The following PAX3 variants were observed in gnomAD, a reference collection of about 807,000 sequenced individuals.
PAX3 encodes the protein paired box 3.
In PAX3, 14 loss-of-function variants were observed where a neutral mutation model predicts 51.6. The observed-to-expected ratio is 0.27, with a 90% CI of 0.18 to 0.42. The LOEUF (loss-of-function observed/expected upper bound fraction) is 0.42. Ranked by LOEUF, PAX3 falls within the 10% of genes least tolerant of loss-of-function variation. PAX3 has a pLI of 1.00. For missense variants in PAX3, 540 were observed against 642.8 expected (o/e 0.84, Z 1.73); for synonymous variants, 280 against 253.4 (o/e 1.11, Z -1.00).
At chr2:222,240,065 G>T (rs1427544946) in intron 4 of PAX3, among the ~76,000 whole-genome samples, 1 of 152,070 alleles carries the variant, frequency 6.6e-6, no homozygotes, top group Non-Finnish European at 1.5e-5. Flanking sequence ...ATAAGCTCCT[G>T]CCAGGTTGGG....
intron 4 of PAX3, chr2:222,287,642 C>T (rs1225114433): frequency 2.6e-5 from 4 of 152,168 alleles, no homozygotes; most frequent in African/African-American, 7.2e-5. Flanking sequence ...ACATGGGAAC[C>T]ATAACAAATC....
chr2:222,295,949 T>C (rs1695273791), intron 2 of PAX3, among the ~76,000 whole-genome samples: 1 of 152,202 alleles, frequency 6.6e-6, no homozygotes, highest in African/African-American at 2.4e-5. Context: ...AGGGTGGGGT[T>C]ATACTTTCTC....
chr2:222,290,954 G>T (rs1369447672), intron 4 of PAX3, among the ~76,000 whole-genome samples: 2 of 152,014 alleles, frequency 1.3e-5, no homozygotes, highest in African/African-American at 4.8e-5. Context: ...AAGAAGGGGG[G>T]AGGCGGGCTG....
At chr2:222,210,167 T>G (rs1267470404) in intron 7 of PAX3, among the ~76,000 whole-genome samples, 1 of 152,220 alleles carries the variant, frequency 6.6e-6, no homozygotes, top group Non-Finnish European at 1.5e-5. Flanking sequence ...GCTGGCAACA[T>G]GCAGAACCTA....
At chr2:222,214,627 TG>T (rs1461181938) in intron 7 of PAX3, 2 of 151,846 alleles carry the variant, frequency 1.3e-5, no homozygotes, top group Non-Finnish European at 2.9e-5. Context: ...AGATGAATGG[TG>T]GATAAACTTG....
intron 4 of PAX3, among the ~76,000 whole-genome samples, chr2:222,233,323 G>T (rs1692680495): frequency 6.6e-6 from 1 of 152,062 alleles, no homozygotes; most frequent in African/African-American, 2.4e-5. Context: ...GAGTGGGCAG[G>T]TACAGGGGCA....
In PAX3 at chr2:222,221,482, A is replaced by C. The variant is rs113181660; in HGVS notation, c.793-95T>G. The C allele has an allele frequency of 2.1e-4, 246 of 1,152,388 alleles. No homozygotes were observed. In the African/African-American group the frequency reaches 3.4e-3, roughly 16 times the overall value. The allele number at this position is 1,152,388 out of a possible 1,614,324, so 71.4% of individuals were successfully genotyped here. A position where few individuals can be genotyped will look rare whatever the true frequency, so the allele number is the denominator to read the frequency against. On this transcript the variant is annotated intron_variant, in intron 5 of 8. Coordinates refer to ENST00000392070, the MANE Select transcript of PAX3 (RefSeq NM_181458.4). ...TGCTAAAACAGATTAGAGGCTTCTTACTGAAAGGGCAAATAGATGCAAGAG... is the reference window on the plus strand; with the variant it reads ...TGCTAAAACAGATTAGAGGCTTCTTCCTGAAAGGGCAAATAGATGCAAGAG...
intron 4 of PAX3, among the ~76,000 whole-genome samples, chr2:222,281,971 T>C (rs558704583): frequency 2.0e-5 from 3 of 152,348 alleles, no homozygotes; most frequent in African/African-American, 7.2e-5. Flanking sequence ...CCTCCTGCCT[T>C]ACTGGCACAC....
chr2:222,288,880 C>G (rs138220772), intron 4 of PAX3, among the ~76,000 whole-genome samples: 11 of 152,190 alleles, frequency 7.2e-5, no homozygotes, highest in Non-Finnish European at 1.5e-4. Context: ...TTGAAATGAT[C>G]CCGCTTTGAT....
intron 4 of PAX3, among the ~76,000 whole-genome samples, chr2:222,271,804 G>GCTAC (rs1336308945): frequency 6.6e-6 from 1 of 152,116 alleles, no homozygotes; most frequent in Non-Finnish European, 1.5e-5. Flanking sequence ...CCTCCTCCTA[G>GCTAC]CTACCTTCCC....
In PAX3 at chr2:222,294,154, C is replaced by A. The variant is rs967860137; in HGVS notation, c.586+13G>T. ...CACCCAGCAAGTGCGCCGCCCAAGGCGCCACCGCTTACCTCGCTCGCTCAG... is the reference window on the plus strand; with the variant it reads ...CACCCAGCAAGTGCGCCGCCCAAGGAGCCACCGCTTACCTCGCTCGCTCAG... On this transcript the variant is annotated intron_variant, in intron 4 of 8. Coordinates refer to ENST00000392070, the MANE Select transcript of PAX3 (RefSeq NM_181458.4). 1 of 1,614,158 alleles carries A rather than the reference C, an allele frequency of 6.2e-7. No individual in the cohort carries two copies. The highest frequency in any genetic ancestry group is 8.5e-7 in the Non-Finnish European group (1 of 1,179,988).
intron 4 of PAX3, among the ~76,000 whole-genome samples, chr2:222,261,135 C>G (rs1187748960): frequency 6.6e-6 from 1 of 152,158 alleles, no homozygotes; most frequent in Admixed American, 6.5e-5. Context: ...CAGACTTTAT[C>G]TAACCCAAAG....
chr2:222,241,427 T>C (rs998101602), intron 4 of PAX3, among the ~76,000 whole-genome samples: 1 of 152,182 alleles, frequency 6.6e-6, no homozygotes, highest in African/African-American at 2.4e-5. Context: ...TCAGAGTAGG[T>C]TCAGCTTTTC....
chr2:222,288,969 G>T (rs1270611466), intron 4 of PAX3, among the ~76,000 whole-genome samples: 1 of 152,224 alleles, frequency 6.6e-6, no homozygotes, highest in Non-Finnish European at 1.5e-5. Context: ...TGTAACAATG[G>T]TATCAACAAA....
At chr2:222,271,276 T>C (rs1239505624) in intron 4 of PAX3, among the ~76,000 whole-genome samples, 1 of 152,124 alleles carries the variant, frequency 6.6e-6, no homozygotes, top group African/African-American at 2.4e-5. Context: ...TGATGTCCTA[T>C]GGATTCTTTA....
chr2:222,203,968 G>A (rs1196280726), intron 7 of PAX3, among the ~76,000 whole-genome samples: 1 of 152,152 alleles, frequency 6.6e-6, no homozygotes, highest in Non-Finnish European at 1.5e-5. Flanking sequence ...GCACACACAT[G>A]GGAAGGTGGG....
chr2:222,203,621 G>A (rs139187876), intron 7 of PAX3, among the ~76,000 whole-genome samples: 2 of 152,220 alleles, frequency 1.3e-5, no homozygotes, highest in African/African-American at 4.8e-5. Flanking sequence ...TTCCAGTAAG[G>A]CAGGAATCTG....
intron 7 of PAX3, among the ~76,000 whole-genome samples, chr2:222,208,900 C>T (rs552072986): frequency 6.9e-4 from 105 of 152,196 alleles, no homozygotes; most frequent in Middle Eastern, 3.4e-3. Context: ...GCCTGTAAAC[C>T]GAACTTCCAT....
intron 4 of PAX3, among the ~76,000 whole-genome samples, chr2:222,253,976 T>G (rs1046104500): frequency 2.6e-5 from 4 of 152,324 alleles, no homozygotes; most frequent in East Asian, 1.9e-4. Flanking sequence ...CCAAAATGTT[T>G]CTTTAAATTT....
Sources: gnomAD v4.1 joint callset for allele counts (sites outside exome capture counted in the v4.1 genomes callset) on GRCh38, gnomAD v4.1.1 for gene constraint, MANE v1.5 for transcripts, NCBI Gene and HGNC (gene_info 2026-07-23, HGNC 2026-07-21) for gene names.